EIF2AK4: variants seen among roughly 807,000 people sequenced by gnomAD.
The protein encoded by EIF2AK4 is eIF-2-alpha kinase GCN2.
A neutral mutation model predicts 211.1 loss-of-function variants in EIF2AK4; 139 were observed. That is an observed-to-expected ratio of 0.66 (90% CI 0.57 to 0.76). EIF2AK4 has a LOEUF of 0.76. Among genes scored for constraint, EIF2AK4 ranks in the 30% least tolerant of loss-of-function variants. EIF2AK4 has a pLI of 0.00. For missense variants in EIF2AK4, 1,664 were observed against 2,043.8 expected, an observed-to-expected ratio of 0.81 and a Z score of 3.58; for synonymous variants, 710 against 751.3, an observed-to-expected ratio of 0.94 and a Z score of 0.90.
At position 39,990,462 on chromosome 15, in the gene EIF2AK4, C is replaced by G. The variant is rs192094535; in HGVS notation, c.2631+85C>G. On this transcript the variant is annotated intron_variant, in intron 16 of 38. Transcript: ENST00000263791. ...GGAAGTGTTAGCGGATAGAATAGTG[C>G]GTTCACAGAACTATGCCGTCTAATC... 358 of 1,148,322 alleles carry G rather than the reference C, an allele frequency of 3.1e-4. 1 individual carries two copies. In the African/African-American group the frequency reaches 5.0e-3, roughly 16 times the overall value. The allele number at this position is 1,148,322 out of a possible 1,614,324, so 71.1% of individuals were successfully genotyped here.
At chr15:39,980,904 G>C (rs1416444077) in intron 13 of EIF2AK4, among the ~76,000 whole-genome samples, 1 of 152,108 alleles carries the variant, frequency 6.6e-6, no homozygotes, top group Non-Finnish European at 1.5e-5. Context: ...GCAGTTACAA[G>C]GGTTCATTCA....
chr15:39,934,217 C>T lies in EIF2AK4; in HGVS notation c.22C>T (p.Pro8Ser), dbSNP rs1315471968. 1.3e-5 allele frequency: 20 copies of T among 1,586,914 alleles called. No homozygotes were observed. The highest frequency in any genetic ancestry group is 1.5e-5 in the Non-Finnish European group (18 of 1,167,992). The change falls in exon 1 of 39, where the codon CCC becomes TCC. Residue 8 changes from proline to serine, a missense_variant. Physicochemically the swap from Pro to Ser is moderately conservative, Grantham distance 74 (BLOSUM62 -1). Around this residue, in one of 7 missense-constraint regions of EIF2AK4, gnomAD observed 641 missense variants for 729.6 expected, o/e 0.88. Transcript: ENST00000263791. ...TGCCATGGCTGGGGGCCGTGGGGCC[C>T]CCGGGCGCGGCCGGGACGAGCCTCC... The part of the protein sequence containing the change: MAGGRGA[P>S]GRGRDEPPES...
At chr15:39,969,356 CTTTT>C (rs10550245) in intron 9 of EIF2AK4, among the ~76,000 whole-genome samples, 5 of 101,302 alleles carry the variant, frequency 4.9e-5, no homozygotes, top group Admixed American at 2.2e-4. Context: ...ATTTCTTATT[CTTTT>C]TTTTTTTTTT....
chr15:40,030,288 A>G, intron 34 of EIF2AK4, 71 bp from the exon 35 acceptor site: 1 of 1,445,902 alleles, frequency 6.9e-7, no homozygotes, highest in South Asian at 1.2e-5. Context: ...AAACTCTGCC[A>G]TCTCTCTGTA....
rs569269162 is a variant in EIF2AK4 at position 40,010,322 on chromosome 15, G to C, written c.3693+592G>C. Among the ~76,000 whole-genome samples the C allele has an allele frequency of 2.0e-4, 31 of 152,276 alleles. 1 individual carries two copies. Among genetic ancestry groups the C allele is most frequent in the Admixed American group, 9.2e-4 (14 of 15,298 alleles). ...GTAAAGTCATGTATAGATTTGCATT[G>C]ATTGAATTAAGGCAGAATGGCTTCG... On this transcript the variant is annotated intron_variant, in intron 26 of 38. Coordinates refer to ENST00000263791, the MANE Select transcript of EIF2AK4 (RefSeq NM_001013703.4).
rs10664232 is a variant in EIF2AK4 at position 39,977,132 on chromosome 15, T to TAAAAACAAAAAC, written c.2249+299_2249+310dup. 4.7e-3 allele frequency: 1,523 copies of TAAAAACAAAAAC among 324,360 alleles called. 29 individuals carry two copies. The highest frequency in any genetic ancestry group is 0.03 in the African/African-American group (1,397 of 46,894). The allele number at this position is 324,360 out of a possible 1,614,324, so 20.1% of individuals were successfully genotyped here. A position where few individuals can be genotyped will look rare whatever the true frequency, so the allele number is the denominator to read the frequency against. ...GAAATCCAGACGTGTTGACCATGTT[T>TAAAAACAAAAAC]AAAAACAAAAACAAAAACAAAACAA... On this transcript the variant is annotated intron_variant, in intron 12 of 38. Transcript: ENST00000263791.
rs574307866 is a variant in EIF2AK4 at position 39,944,059 on chromosome 15, T to A, written c.360+574T>A. 6.6e-5 allele frequency among the ~76,000 whole-genome samples: 10 copies of A among 152,342 alleles called. No homozygotes were observed. The South Asian group carries it at 1.9e-3, about 28-fold the overall frequency. On this transcript the variant is annotated intron_variant, in intron 3 of 38. Transcript: ENST00000263791. ...GATCTTGCATCATGACTTGAACCTT[T>A]TTGTTGGAAAATGTGGGCAGACAAA...
chr15:39,960,768 G>T (rs564147477), intron 6 of EIF2AK4, among the ~76,000 whole-genome samples: 7 of 152,266 alleles, frequency 4.6e-5, no homozygotes, highest in African/African-American at 1.7e-4. Context: ...GACCTTTGTA[G>T]GGGATGGGAC....
chr15:40,034,898 T>C (rs758939786), intron 38 of EIF2AK4, 129 bp from the exon 39 acceptor site: 72 of 645,718 alleles, frequency 1.1e-4, no homozygotes, highest in Non-Finnish European at 1.8e-4. Context: ...CTATATAATT[T>C]TTTAATGACT....
rs749110563 is a variant in EIF2AK4 at position 40,029,459 on chromosome 15, C to T, written c.4556C>T (p.Ala1519Val). 1.2e-6 allele frequency: 2 copies of T among 1,612,904 alleles called. No individual in the cohort carries two copies. The highest frequency in any genetic ancestry group is 2.2e-5 in the East Asian group (1 of 44,766). ...VQNLKGSFSN[A>V]SGLFEIHGAT... The stretch of plus-strand genomic sequence containing the variant: ...AATCTGAAGGGGTCATTTTCTAATG[C>T]TTCAGGTATAATTACTAATTATAAT... The change falls in exon 34 of 39, where the codon GCT becomes GTT. Residue 1519 changes from alanine to valine, a missense_variant. Ala to Val is a moderately conservative substitution (Grantham distance 64, BLOSUM62 0). This residue lies in a region of EIF2AK4 where 138 missense variants were observed against 165.1 expected (regional missense o/e 0.84). Coordinates refer to ENST00000263791, the MANE Select transcript of EIF2AK4 (RefSeq NM_001013703.4).
rs746774269 is a variant in EIF2AK4, at chr15:40,022,574, T to C, written c.4358T>C (p.Leu1453Pro). 2 of 1,614,094 alleles carry C rather than the reference T, an allele frequency of 1.2e-6. No individual in the cohort carries two copies. Among genetic ancestry groups the C allele is most frequent in the African/African-American group, 2.7e-5 (2 of 74,950 alleles). The change falls in exon 32 of 39, where the codon CTT becomes CCT. Residue 1453 changes from leucine to proline, a missense_variant. Around this residue, in one of 7 missense-constraint regions of EIF2AK4, gnomAD observed 622 missense variants for 796.8 expected, o/e 0.78. Transcript: ENST00000263791. Reference protein sequence around the residue: ...CRHHEITYVALVSDKEGSHVK... With the variant: ...CRHHEITYVAPVSDKEGSHVK... ...CATCATGAAATCACCTATGTGGCCC[T>C]TGTCTCGGATAAAGAAGGAAGCCAT...
At chr15:39,972,834 A>G (rs978436068) in intron 9 of EIF2AK4, 74 bp from the exon 10 acceptor site, 3 of 1,173,656 alleles carry the variant, frequency 2.6e-6, no homozygotes, top group South Asian at 2.5e-5. Flanking sequence ...ATAAACCCAT[A>G]GTTAATGCCT....
rs1448681117 is a variant in EIF2AK4, at chr15:39,988,090, T to C, written c.2511T>C (p.Ala837=). ...RLFREILDGL[A]YIHEKGMIHR... ...TTCGAGAGATTCTGGATGGATTAGC[T>C]TATATCCATGAGAAAGTAAACTTTA... Residue 837 remains alanine, a synonymous_variant, in exon 15 of 39, where the codon GCT becomes GCC. Transcript: ENST00000263791. The C allele has an allele frequency of 6.8e-6, 11 of 1,613,984 alleles. No individual in the cohort carries two copies. The highest frequency in any genetic ancestry group is 9.3e-6 in the Non-Finnish European group (11 of 1,179,982).
chr15:39,958,680 T>C (rs1284868062), intron 6 of EIF2AK4, among the ~76,000 whole-genome samples: 2 of 152,186 alleles, frequency 1.3e-5, no homozygotes, highest in Admixed American at 6.5e-5. Flanking sequence ...TGGCTCTGTG[T>C]TTCAAATTAA....
chr15:39,967,274 A>G, intron 8 of EIF2AK4, 70 bp from the exon 9 acceptor site: 1 of 1,461,186 alleles, frequency 6.8e-7, no homozygotes, highest in Non-Finnish European at 9.1e-7. Flanking sequence ...CAAATACTTC[A>G]CTTTTGAAAT....
chr15:40,029,384 GTTTT>G lies in EIF2AK4; in HGVS notation c.4503-20_4503-17del, dbSNP rs1595439401. The stretch of plus-strand genomic sequence containing the variant: ...GTGCCTTATTGACTGTTCTTTAATT[GTTTT>G]TGTTTGCTTGTTTTTAGAGAAGCTT... On this transcript the variant is annotated intron_variant, in intron 33 of 38. Coordinates refer to ENST00000263791, the MANE Select transcript of EIF2AK4 (RefSeq NM_001013703.4). 1.1e-5 allele frequency: 17 copies of G among 1,611,168 alleles called. No individual in the cohort carries two copies. Among genetic ancestry groups the G allele is most frequent in the Non-Finnish European group, 1.4e-5 (17 of 1,179,548 alleles).
chr15:40,024,048 A>G (rs933725784), intron 32 of EIF2AK4, among the ~76,000 whole-genome samples: 39 of 152,202 alleles, frequency 2.6e-4, no homozygotes, highest in African/African-American at 9.4e-4. Flanking sequence ...CCCTTTACAG[A>G]AAAAAATTTG....
intron 4 of EIF2AK4, among the ~76,000 whole-genome samples, chr15:39,952,754 T>C (rs1275091958): frequency 6.6e-6 from 1 of 152,212 alleles, no homozygotes; most frequent in Non-Finnish European, 1.5e-5. Flanking sequence ...TAACACTGTC[T>C]TTTTGTAGGT....
At chr15:39,975,175 G>A (rs151209331) in intron 11 of EIF2AK4, 26 of 152,232 alleles carry the variant, frequency 1.7e-4, no homozygotes, top group Non-Finnish European at 2.2e-4. Context: ...ACATTCTTAC[G>A]AGATGGGTAT....
Sources: gnomAD v4.1 joint callset for allele counts (sites outside exome capture counted in the v4.1 genomes callset) on GRCh38, gnomAD v4.1.1 for gene constraint, gnomAD v4.1.1 regional missense constraint, MANE v1.5 for transcripts, NCBI Gene and HGNC (gene_info 2026-07-23, HGNC 2026-07-21) for gene names.